Variants in ACVR2A observed in about 807,000 individuals in gnomAD.
ACVR2A encodes the protein activin A receptor type 2A.
A neutral mutation model predicts 61.4 loss-of-function variants in ACVR2A; 7 were observed. The observed-to-expected ratio is 0.11, with a 90% CI of 0.06 to 0.21. The LOEUF (loss-of-function observed/expected upper bound fraction) is 0.21, where lower values mean the gene tolerates loss of function less well. ACVR2A is among the 10% of genes least tolerant of loss of function. ACVR2A has a pLI of 1.00. For synonymous variants in ACVR2A, 193 were observed against 208.3 expected (o/e 0.93, Z 0.63); for missense variants, 322 against 621.7 (o/e 0.52, Z 5.13).
intron 1 of ACVR2A, among the ~76,000 whole-genome samples, chr2:147,879,644 G>T (rs1686247619): frequency 6.6e-6 from 1 of 152,204 alleles, no homozygotes; most frequent in Non-Finnish European, 1.5e-5. Flanking sequence ...GGCTAAAGAA[G>T]AGCCAAACTG....
chr2:147,912,320 T>G (rs977789530), intron 4 of ACVR2A, among the ~76,000 whole-genome samples: 1 of 151,994 alleles, frequency 6.6e-6, no homozygotes, highest in East Asian at 1.9e-4. Flanking sequence ...TAATCAGAAC[T>G]GTGTTTGAAT....
intron 1 of ACVR2A, among the ~76,000 whole-genome samples, chr2:147,864,334 A>G (rs1685800866): frequency 2.0e-5 from 3 of 152,048 alleles, no homozygotes; most frequent in Non-Finnish European, 2.9e-5. Flanking sequence ...GTTTCAAGCA[A>G]TTCTCCTGCC....
chr2:147,896,470 A>G lies in ACVR2A; in HGVS notation c.225A>G (p.Lys75=), dbSNP rs1289810906. 1.2e-6 allele frequency: 2 copies of G among 1,613,988 alleles called. No individual in the cohort carries two copies. The highest frequency in any genetic ancestry group is 2.2e-5 in the South Asian group (2 of 91,074). ...KNISGSIEIV[K]QGCWLDDINC... ...TTTCTGGTTCCATTGAAATAGTGAA[A>G]CAAGGTTGTTGGCTGGATGATATCA... Residue 75 remains lysine, a synonymous_variant, in exon 2 of 11, where the codon AAA becomes AAG. Coordinates refer to ENST00000241416, the MANE Select transcript of ACVR2A (RefSeq NM_001616.5).
chr2:147,885,942 A>G (rs1000782144), intron 1 of ACVR2A, among the ~76,000 whole-genome samples: 3 of 152,098 alleles, frequency 2.0e-5, no homozygotes, highest in Non-Finnish European at 4.4e-5. Context: ...CTTTGTGTTG[A>G]GATTTGCCTG....
Position 147,927,435 on chromosome 2 carries a change from T to C in ACVR2A, c.*161T>C. 1 of 662,330 alleles carries C rather than the reference T, an allele frequency of 1.5e-6. No homozygotes were observed. The highest frequency in any genetic ancestry group is 2.4e-6 in the Non-Finnish European group (1 of 411,366). The allele number at this position is 662,330 out of a possible 1,614,324, so 41.0% of individuals were successfully genotyped here. Reference sequence around the variant, plus strand: ...GTTGAAAAATGTTGCTCTGGGAGACTTACTGCATTGCCGACAGCACAGATG... The same window carrying C: ...GTTGAAAAATGTTGCTCTGGGAGACCTACTGCATTGCCGACAGCACAGATG... On this transcript the variant is annotated 3_prime_UTR_variant, in exon 11 of 11. Transcript: ENST00000241416.
intron 1 of ACVR2A, among the ~76,000 whole-genome samples, chr2:147,873,197 A>G (rs1573923309): frequency 1.3e-5 from 2 of 151,912 alleles, no homozygotes; most frequent in East Asian, 1.9e-4. Flanking sequence ...CAAGTTTAGC[A>G]CTATGGAGTG....
chr2:147,878,341 G>A (rs1035004586), intron 1 of ACVR2A, among the ~76,000 whole-genome samples: 1 of 152,082 alleles, frequency 6.6e-6, no homozygotes, highest in Non-Finnish European at 1.5e-5. Flanking sequence ...TAGTACTTAC[G>A]TAAGCCAGTA....
At chr2:147,896,209 C>T (rs1686729519) in intron 1 of ACVR2A, 92 bp from the exon 2 acceptor site, 1 of 1,109,932 alleles carries the variant, frequency 9.0e-7, no homozygotes, top group African/African-American at 1.6e-5. Flanking sequence ...GAATTACTGA[C>T]ACTTTAGGAA....
upstream of ACVR2A, chr2:147,845,010 T>TTTTTTTG (rs1685265961): frequency 5.3e-6 from 1 of 188,298 alleles, no homozygotes; most frequent in Admixed American, 6.9e-5. Flanking sequence ...GTTTTTTTTT[T>TTTTTTTG]TTTTTTTTTT....
At chr2:147,859,477 G>A (rs1363630215) in intron 1 of ACVR2A, among the ~76,000 whole-genome samples, 1 of 150,712 alleles carries the variant, frequency 6.6e-6, no homozygotes, top group Non-Finnish European at 1.5e-5. Flanking sequence ...CAGTGTAGAG[G>A]GTCACCACAG....
At chr2:147,915,429 A>G in intron 5 of ACVR2A, 95 bp downstream of exon 5, 1 of 1,465,536 alleles carries the variant, frequency 6.8e-7, no homozygotes, top group Non-Finnish European at 9.3e-7. Context: ...CATATGTACC[A>G]AGGTGGTTCT....
chr2:147,885,302 T>C (rs1299523354), intron 1 of ACVR2A, among the ~76,000 whole-genome samples: 1 of 152,148 alleles, frequency 6.6e-6, no homozygotes, highest in African/African-American at 2.4e-5. Context: ...TTATTTTATT[T>C]TGAATAGAAG....
rs565453954 is a variant in ACVR2A at position 147,877,680 on chromosome 2, C to T, written c.56-18621C>T. 1.1e-4 allele frequency among the ~76,000 whole-genome samples: 16 copies of T among 152,166 alleles called. 1 individual carries two copies. The South Asian group carries it at 3.3e-3, about 32-fold the overall frequency. The stretch of plus-strand genomic sequence containing the variant: ...AACAATTTTTCTTATTTTATTAGTT[C>T]ACATAGATAGTAAAACTTATCAGTC... On this transcript the variant is annotated intron_variant, in intron 1 of 10. Transcript: ENST00000241416.
At chr2:147,863,903 T>C (rs956492259) in intron 1 of ACVR2A, among the ~76,000 whole-genome samples, 1 of 152,230 alleles carries the variant, frequency 6.6e-6, no homozygotes, top group Non-Finnish European at 1.5e-5. Context: ...GAGAATCAAA[T>C]GTTCAAAGTA....
chr2:147,853,234 A>C (rs1000531294), intron 1 of ACVR2A, among the ~76,000 whole-genome samples: 1 of 152,160 alleles, frequency 6.6e-6, no homozygotes, highest in Non-Finnish European at 1.5e-5. Context: ...ATAAGAGTAC[A>C]TAATAAAACA....
chr2:147,920,408 A>G, intron 8 of ACVR2A, 64 bp downstream of exon 8: 1 of 1,232,862 alleles, frequency 8.1e-7, no homozygotes, highest in Non-Finnish European at 1.2e-6. Flanking sequence ...TTAGAATGGC[A>G]TGTCAGGACT....
chr2:147,895,861 T>A (rs548129411), intron 1 of ACVR2A, among the ~76,000 whole-genome samples: 1 of 152,174 alleles, frequency 6.6e-6, no homozygotes, highest in South Asian at 2.1e-4. Context: ...TTTTGGGGAG[T>A]CAAAAGTTAC....
chr2:147,852,011 G>T (rs558703230), intron 1 of ACVR2A, among the ~76,000 whole-genome samples: 2 of 152,062 alleles, frequency 1.3e-5, no homozygotes, highest in South Asian at 2.1e-4. Context: ...TTAGAGTTCA[G>T]TGGTGACATT....
In ACVR2A at chr2:147,880,933, A is replaced by G. The variant is rs923634641; in HGVS notation, c.56-15368A>G. On this transcript the variant is annotated intron_variant, in intron 1 of 10. Coordinates refer to ENST00000241416, the MANE Select transcript of ACVR2A (RefSeq NM_001616.5). Reference sequence around the variant, plus strand: ...AAAGGGTAAAATTTTCTCATTCTGAAGGGGAAAACACTGGGCTCCTATTTT... The same window carrying G: ...AAAGGGTAAAATTTTCTCATTCTGAGGGGGAAAACACTGGGCTCCTATTTT... Among the ~76,000 whole-genome samples the G allele has an allele frequency of 5.9e-5, 9 of 152,300 alleles. No homozygotes were observed. In the East Asian group the frequency reaches 1.5e-3, roughly 26 times the overall value.
Sources: allele counts gnomAD v4.1 joint callset (sites outside exome capture counted in the v4.1 genomes callset), GRCh38; gene constraint gnomAD v4.1.1; transcripts MANE v1.5; gene names NCBI Gene and HGNC (gene_info 2026-07-23, HGNC 2026-07-21).